SNURF: variants seen among roughly 807,000 people sequenced by gnomAD.
SNURF encodes the protein SNRPN upstream open reading frame, also known as SNURF protein.
Under a neutral mutation model 11.6 loss-of-function variants are expected in SNURF, and 6 were observed. The observed-to-expected ratio is 0.52, with a 90% CI of 0.28 to 1.02. The LOEUF is 1.02. Ranked by LOEUF, SNURF falls within the 50% of genes least tolerant of loss-of-function variation. SNURF has a pLI of 0.09. For missense variants in SNURF, 84 were observed against 88.4 expected (o/e 0.95, Z 0.20); for synonymous variants, 29 against 31.6 (o/e 0.92, Z 0.27).
chr15:24,960,447 C>T (rs968068753), intron 1 of SNURF, among the ~76,000 whole-genome samples: 3 of 151,976 alleles, frequency 2.0e-5, no homozygotes, highest in African/African-American at 7.2e-5. Context: ...CTCAAGCGCC[C>T]TCTCACCTTA....
At chr15:24,976,290 A>C (rs776903411) in intron 4 of SNURF, 2 of 1,606,246 alleles carry the variant, frequency 1.2e-6, no homozygotes, top group Admixed American at 3.3e-5. Context: ...ACTAAAATTT[A>C]ATTCTGATTT....
downstream of SNURF, chr15:24,978,084 T>C (rs974002115): frequency 1.3e-5 from 16 of 1,267,996 alleles, no homozygotes; most frequent in Non-Finnish European, 1.8e-5. Context: ...AGAAGTTATT[T>C]GACTCTATCA....
downstream of SNURF, chr15:24,977,863 C>T: frequency 6.2e-7 from 1 of 1,612,948 alleles, no homozygotes; most frequent in Non-Finnish European, 8.5e-7. Context: ...ACACAGTACC[C>T]ACCAGGACGG....
chr15:24,968,263 C>A (rs2075939021), exon 3 of SNURF: 3 of 503,254 alleles, frequency 6.0e-6, no homozygotes, highest in Non-Finnish European at 1.1e-5. Flanking sequence ...ACACTTTCGT[C>A]ATGTTTCTGT....
downstream of SNURF, among the ~76,000 whole-genome samples, chr15:24,971,651 G>T (rs908197383): frequency 1.3e-5 from 2 of 152,094 alleles, no homozygotes; most frequent in African/African-American, 4.8e-5. Context: ...CGCTAAGCTT[G>T]TGGGAGTTAT....
chr15:24,958,007 C>T (rs2063199444), intron 1 of SNURF, among the ~76,000 whole-genome samples: 1 of 152,072 alleles, frequency 6.6e-6, no homozygotes, highest in Non-Finnish European at 1.5e-5. Context: ...AGGAAGGAAG[C>T]TTGGTTGAGA....
At chr15:24,958,795 C>G (rs2074300483) in intron 1 of SNURF, 1 of 154,298 alleles carries the variant, frequency 6.5e-6, no homozygotes, top group Non-Finnish European at 1.5e-5. Flanking sequence ...TTATAGCTCC[C>G]TGTAACCTCA....
chr15:24,971,115 G>A (rs1199985176), downstream of SNURF, among the ~76,000 whole-genome samples: 1 of 152,116 alleles, frequency 6.6e-6, no homozygotes, highest in African/African-American at 2.4e-5. Flanking sequence ...TTGAATTAAA[G>A]TAGATTTACA....
intron 6 of SNURF, chr15:24,977,096 T>C (rs1395566765): frequency 2.3e-6 from 3 of 1,324,314 alleles, no homozygotes; most frequent in Non-Finnish European, 3.1e-6. Context: ...CGAGGAGATT[T>C]AAAAACCTAA....
chr15:24,972,775 C>T (rs2076588910), downstream of SNURF, among the ~76,000 whole-genome samples: 1 of 143,120 alleles, frequency 7.0e-6, no homozygotes, highest in African/African-American at 2.8e-5. Flanking sequence ...ATTATGCATG[C>T]TTGATTACGG....
At chr15:24,977,122 A>G (rs2077146483) in intron 6 of SNURF, 1 of 990,990 alleles carries the variant, frequency 1.0e-6, no homozygotes, top group South Asian at 2.0e-5. Context: ...TGTGTCATAC[A>G]ATGTAAACAG....
intron 1 of SNURF, among the ~76,000 whole-genome samples, chr15:24,956,857 C>T (rs577352618): frequency 5.3e-5 from 8 of 152,166 alleles, no homozygotes; most frequent in African/African-American, 1.9e-4. Flanking sequence ...CTGCACTGGG[C>T]TACTGCTTTT....
chr15:24,971,259 C>T (rs796341791), downstream of SNURF, among the ~76,000 whole-genome samples: 7 of 152,308 alleles, frequency 4.6e-5, no homozygotes, highest in African/African-American at 1.7e-4. Context: ...GACTGCTCAT[C>T]CATCCTTGCA....
chr15:24,978,425 T>C, downstream of SNURF: 1 of 1,613,928 alleles, frequency 6.2e-7, no homozygotes, highest in East Asian at 2.2e-5. Context: ...CCCCCAGGAA[T>C]GCGTCCACCA....
intron 1 of SNURF, among the ~76,000 whole-genome samples, chr15:24,961,790 G>T (rs1032184568): frequency 2.6e-5 from 4 of 152,102 alleles, no homozygotes; most frequent in Admixed American, 2.0e-4. Flanking sequence ...GGTAGTGGTG[G>T]TATGTATGTA....
chr15:24,975,210 A>G, intron 3 of SNURF: 1 of 667,506 alleles, frequency 1.5e-6, no homozygotes, highest in Non-Finnish European at 2.6e-6. Context: ...CATACTAAAT[A>G]TGGAAGAATG....
In SNURF at chr15:24,976,533, G is replaced by GC. The variant is rs971323567; in HGVS notation, c.*309+119dup. 5 of 772,566 alleles carry GC rather than the reference G, an allele frequency of 6.5e-6. No homozygotes were observed. In the African/African-American group the frequency reaches 8.8e-5, roughly 14 times the overall value. 47.9% of individuals were successfully genotyped at this position (772,566 alleles called of 1,614,324 possible). On this transcript the variant is annotated intron_variant and NMD_transcript_variant, in intron 5 of 6. Coordinates refer to the SNURF transcript ENST00000580062. ...CAACATGGATTGTCAAATAAAATGT[G>GC]CCAGGCACTTAATATCAATTGTTGG...
chr15:24,955,609 G>C (rs2062709538), intron 1 of SNURF, among the ~76,000 whole-genome samples: 1 of 149,008 alleles, frequency 6.7e-6, no homozygotes, highest in African/African-American at 2.5e-5. Flanking sequence ...CGACTGGGGG[G>C]GGAATTCGTC....
intron 3 of SNURF, chr15:24,974,971 A>G (rs1190876592): frequency 1.4e-6 from 1 of 703,022 alleles, no homozygotes; most frequent in Admixed American, 2.0e-5. Flanking sequence ...AGATTACAAT[A>G]GAAATAAAGA....
Sources: allele counts gnomAD v4.1 joint callset (sites outside exome capture counted in the v4.1 genomes callset), GRCh38; gene constraint gnomAD v4.1.1; transcripts MANE v1.5; gene names NCBI Gene and HGNC (gene_info 2026-07-23, HGNC 2026-07-21).